CCDC171: variants seen among roughly 807,000 people sequenced by gnomAD.
CCDC171 encodes coiled-coil domain containing 171.
CCDC171 carries 177 observed loss-of-function variants against 168.2 expected under a neutral mutation model. The ratio of observed to expected loss-of-function variants is 1.05; its 90% CI spans 0.93 to 1.19. The LOEUF (loss-of-function observed/expected upper bound fraction) is 1.19, where lower values mean the gene tolerates loss of function less well. CCDC171 is among the 50% of genes most tolerant of loss of function. CCDC171 has a pLI of 0.00. For missense variants in CCDC171, 1,991 were observed against 1,539.0 expected, an observed-to-expected ratio of 1.29 and a Z score of -4.91; for synonymous variants, 687 against 540.8, an observed-to-expected ratio of 1.27 and a Z score of -3.75.
chr9:15,970,639 T>G (rs1831254786), intron 25 of CCDC171, among the ~76,000 whole-genome samples: 1 of 152,214 alleles, frequency 6.6e-6, no homozygotes, highest in South Asian at 2.1e-4. Flanking sequence ...GGAGCAGCTT[T>G]ATCGAAATAT....
chr9:15,963,996 C>G (rs942459967), intron 25 of CCDC171, among the ~76,000 whole-genome samples: 13 of 152,180 alleles, frequency 8.5e-5, no homozygotes, highest in African/African-American at 2.7e-4. Flanking sequence ...ATCCTCCTTT[C>G]TTCTCGCTAG....
At chr9:15,696,879 T>C (rs370248556) in intron 11 of CCDC171, among the ~76,000 whole-genome samples, 11 of 152,230 alleles carry the variant, frequency 7.2e-5, no homozygotes, top group African/African-American at 2.7e-4. Context: ...GCATACTTTG[T>C]GTATTCCAGG....
intron 24 of CCDC171, among the ~76,000 whole-genome samples, chr9:15,898,422 T>G (rs1821183420): frequency 1.3e-5 from 2 of 152,134 alleles, no homozygotes; most frequent in Non-Finnish European, 2.9e-5. Flanking sequence ...TCACAGTCAG[T>G]GAGCAAATAT....
At chr9:15,824,813 C>G (rs951466037) in intron 21 of CCDC171, among the ~76,000 whole-genome samples, 4 of 151,986 alleles carry the variant, frequency 2.6e-5, no homozygotes, top group Non-Finnish European at 4.4e-5. Flanking sequence ...ACTCTGACAG[C>G]CTCTGGTGGT....
At chr9:15,943,657 A>C (rs981644122) in intron 25 of CCDC171, among the ~76,000 whole-genome samples, 8 of 151,998 alleles carry the variant, frequency 5.3e-5, no homozygotes, top group Non-Finnish European at 1.2e-4. Context: ...TCAATCAATA[A>C]ATTATCTTCC....
intron 8 of CCDC171, among the ~76,000 whole-genome samples, chr9:15,662,774 G>A (rs1165257493): frequency 6.6e-6 from 1 of 151,914 alleles, no homozygotes; most frequent in Non-Finnish European, 1.5e-5. Context: ...TCAGGAGTTC[G>A]GGACCAGCCT....
At chr9:15,756,669 A>G (rs990235467) in intron 18 of CCDC171, among the ~76,000 whole-genome samples, 4 of 152,188 alleles carry the variant, frequency 2.6e-5, no homozygotes, top group Admixed American at 6.6e-5. Flanking sequence ...TTTGCTTAGG[A>G]TAATGGCTAA....
chr9:15,867,485 C>A (rs1489428917), intron 23 of CCDC171, among the ~76,000 whole-genome samples: 1 of 151,962 alleles, frequency 6.6e-6, no homozygotes, highest in Non-Finnish European at 1.5e-5. Context: ...ACTCTATTCT[C>A]AGTTTCTTGA....
intron 18 of CCDC171, among the ~76,000 whole-genome samples, chr9:15,760,777 A>T (rs1245402110): frequency 6.6e-6 from 1 of 152,202 alleles, no homozygotes; most frequent in African/African-American, 2.4e-5. Flanking sequence ...CTAAACTTTG[A>T]TGATGAACTT....
chr9:15,939,189 T>G (rs776334228), intron 25 of CCDC171, among the ~76,000 whole-genome samples: 18 of 151,742 alleles, frequency 1.2e-4, no homozygotes, highest in Middle Eastern at 3.4e-3. Flanking sequence ...ATAGATAATA[T>G]CCATATAGAT....
At position 15,778,841 on chromosome 9, in the gene CCDC171, A is replaced by G. The variant is rs564655296; in HGVS notation, c.2899-127A>G. The stretch of plus-strand genomic sequence containing the variant: ...CATAAAAAATAAAGTTTTCACCTCT[A>G]CATTTCTGTAATAGCTAGCACTGGT... On this transcript the variant is annotated intron_variant, in intron 19 of 25. Coordinates refer to ENST00000380701, the MANE Select transcript of CCDC171 (RefSeq NM_173550.4). 10 of 604,706 alleles carry G rather than the reference A, an allele frequency of 1.7e-5. No homozygotes were observed. In the South Asian group the frequency reaches 4.7e-4, roughly 28 times the overall value. 37.5% of individuals were successfully genotyped at this position (604,706 alleles called of 1,614,324 possible).
At chr9:15,561,761 C>T (rs188758384) in intron 1 of CCDC171, among the ~76,000 whole-genome samples, 43 of 152,050 alleles carry the variant, frequency 2.8e-4, no homozygotes, top group African/African-American at 9.9e-4. Flanking sequence ...CTAAAACACA[C>T]AGAGAAGTAA....
At chr9:15,630,375 C>A (rs1467352571) in intron 7 of CCDC171, among the ~76,000 whole-genome samples, 1 of 152,092 alleles carries the variant, frequency 6.6e-6, no homozygotes, top group African/African-American at 2.4e-5. Context: ...GGGTTGCAAT[C>A]CTAGTCTCTG....
intron 6 of CCDC171, among the ~76,000 whole-genome samples, chr9:16,035,168 C>A (rs1041348822): frequency 6.6e-6 from 1 of 152,186 alleles, no homozygotes; most frequent in Non-Finnish European, 1.5e-5. Flanking sequence ...ATTCAGATAT[C>A]TGTTTATAAC....
At chr9:15,647,688 C>T (rs929725713) in intron 7 of CCDC171, among the ~76,000 whole-genome samples, 2 of 152,110 alleles carry the variant, frequency 1.3e-5, no homozygotes, top group African/African-American at 2.4e-5. Context: ...TCTCCCAAGA[C>T]TAAACCAGGA....
At chr9:15,561,809 G>A (rs1029671872) in intron 1 of CCDC171, among the ~76,000 whole-genome samples, 3 of 151,694 alleles carry the variant, frequency 2.0e-5, no homozygotes, top group Admixed American at 6.6e-5. Flanking sequence ...TGATATCAGC[G>A]AGGAAGATGA....
chr9:15,733,729 A>G (rs766979779), intron 16 of CCDC171, among the ~76,000 whole-genome samples: 11 of 58,398 alleles, frequency 1.9e-4, no homozygotes, highest in African/African-American at 4.3e-4. Context: ...TTTTTCATCA[A>G]TGTCCTGAAC....
chr9:16,074,841 G>A, the CCDC171 span, among the ~76,000 whole-genome samples: 1 of 152,138 alleles, frequency 6.6e-6, no homozygotes, highest in Non-Finnish European at 1.5e-5. Flanking sequence ...AGATGAGAAG[G>A]GACCAGATCC....
chr9:15,862,702 A>G (rs1048523538), intron 23 of CCDC171, among the ~76,000 whole-genome samples: 1 of 151,882 alleles, frequency 6.6e-6, no homozygotes, highest in Non-Finnish European at 1.5e-5. Flanking sequence ...ACCTTCACCA[A>G]TAAACTTGGC....
Sources: gnomAD v4.1 joint callset for allele counts (sites outside exome capture counted in the v4.1 genomes callset) on GRCh38, gnomAD v4.1.1 for gene constraint, MANE v1.5 for transcripts, NCBI Gene and HGNC (gene_info 2026-07-23, HGNC 2026-07-21) for gene names.